The following EXT1 variants were observed in gnomAD, a reference collection of about 807,000 sequenced individuals.
EXT1 encodes the protein exostosin glycosyltransferase 1, also known as exostosin-1.
EXT1 carries 20 observed loss-of-function variants against 82.5 expected under a neutral mutation model. That is an observed-to-expected ratio of 0.24 (90% CI 0.17 to 0.35). The LOEUF is 0.35. EXT1 is among the 10% of genes least tolerant of loss of function. The pLI is 1.00. For missense variants in EXT1, 757 were observed against 936.5 expected (o/e 0.81, Z 2.50); for synonymous variants, 348 against 350.8 (o/e 0.99, Z 0.09).
chr8:118,006,973 A>G (rs1041122039), intron 1 of EXT1, among the ~76,000 whole-genome samples: 25 of 152,218 alleles, frequency 1.6e-4, no homozygotes, highest in African/African-American at 5.8e-4. Flanking sequence ...TTCAGTTGTT[A>G]GAGTTGGCAA....
At chr8:117,895,024 T>C (rs947328828) in intron 1 of EXT1, among the ~76,000 whole-genome samples, 4 of 152,350 alleles carry the variant, frequency 2.6e-5, no homozygotes, top group East Asian at 1.9e-4. Flanking sequence ...TATAAGCTTC[T>C]GGGTTTGCTG....
intron 1 of EXT1, among the ~76,000 whole-genome samples, chr8:117,890,640 A>C (rs1349946290): frequency 6.6e-6 from 1 of 152,224 alleles, no homozygotes; most frequent in African/African-American, 2.4e-5. Flanking sequence ...GCTTCTTAGC[A>C]TAGGGAAGCA....
chr8:117,979,769 G>A (rs1240968850), intron 1 of EXT1, among the ~76,000 whole-genome samples: 2 of 152,144 alleles, frequency 1.3e-5, no homozygotes, highest in African/African-American at 2.4e-5. Flanking sequence ...CCAAAGCACT[G>A]CAATAGAACA....
chr8:117,871,379 A>G (rs747571042), intron 1 of EXT1, among the ~76,000 whole-genome samples: 3 of 152,250 alleles, frequency 2.0e-5, no homozygotes, highest in Non-Finnish European at 2.9e-5. Flanking sequence ...CTCTTCGTTC[A>G]GAAAGCCTGT....
chr8:117,874,575 C>CAAAAAAAAAAAAAAAAAAAAAAAAAAAAA lies in EXT1; in HGVS notation c.963-37375_963-37374insTTTTTTTTTTTTTTTTTTTTTTTTTTTTT, dbSNP rs61249983. Among the ~76,000 whole-genome samples the CAAAAAAAAAAAAAAAAAAAAAAAAAAAAA allele has an allele frequency of 9.6e-4, 67 of 69,748 alleles. 2 individuals carry two copies. Among genetic ancestry groups the CAAAAAAAAAAAAAAAAAAAAAAAAAAAAA allele is most frequent in the East Asian group, 1.6e-3 (3 of 1,892 alleles). The allele number at this position is 69,748 out of a possible 152,430, so 45.8% of individuals were successfully genotyped here. On this transcript the variant is annotated intron_variant, in intron 1 of 10. Coordinates refer to ENST00000378204, the MANE Select transcript of EXT1 (RefSeq NM_000127.3). ...TAGGCAACAAAGTGAGACTCTGCCTCAAAAAAAAAAAAAAAAAAGAACAAT... is the reference window on the plus strand; with the variant it reads ...TAGGCAACAAAGTGAGACTCTGCCTCAAAAAAAAAAAAAAAAAAAAAAAAAAAAAAAAAAAAAAAAAAAAAAAGAACAAT...
chr8:117,963,804 T>C (rs977220036), intron 1 of EXT1, among the ~76,000 whole-genome samples: 9 of 152,260 alleles, frequency 5.9e-5, no homozygotes, highest in Admixed American at 1.3e-4. Context: ...TTGAGGTTAA[T>C]TGGGGTTTGG....
chr8:117,841,149 T>C (rs1457067547), intron 1 of EXT1, among the ~76,000 whole-genome samples: 1 of 152,180 alleles, frequency 6.6e-6, no homozygotes, highest in Non-Finnish European at 1.5e-5. Flanking sequence ...GTAATAACCT[T>C]AAACTGGAAA....
intron 1 of EXT1, among the ~76,000 whole-genome samples, chr8:118,109,442 A>C (rs1285912822): frequency 6.6e-5 from 10 of 150,444 alleles, no homozygotes; most frequent in Admixed American, 2.6e-4. Flanking sequence ...TGAATGAATG[A>C]ATGCATGCAT....
chr8:118,068,781 A>G (rs1817034796), intron 1 of EXT1, among the ~76,000 whole-genome samples: 2 of 152,210 alleles, frequency 1.3e-5, no homozygotes, highest in South Asian at 4.1e-4. Context: ...AAATTTTAAA[A>G]TAATCTTTAA....
At chr8:117,944,945 G>A (rs911592492) in intron 1 of EXT1, among the ~76,000 whole-genome samples, 4 of 152,124 alleles carry the variant, frequency 2.6e-5, no homozygotes, top group South Asian at 2.1e-4. Flanking sequence ...GGCGGATCAC[G>A]AGGTCAGGAG....
chr8:117,873,238 T>C (rs746499387), intron 1 of EXT1, among the ~76,000 whole-genome samples: 4 of 152,006 alleles, frequency 2.6e-5, no homozygotes, highest in Non-Finnish European at 5.9e-5. Flanking sequence ...CTGTGAAAAA[T>C]AAATTTCTAT....
intron 1 of EXT1, among the ~76,000 whole-genome samples, chr8:117,960,861 G>T (rs1814684745): frequency 6.6e-6 from 1 of 152,064 alleles, no homozygotes; most frequent in African/African-American, 2.4e-5. Context: ...AGAGCTACAA[G>T]AAATCCTTTG....
At chr8:117,911,930 T>G (rs1205231322) in intron 1 of EXT1, among the ~76,000 whole-genome samples, 2 of 152,340 alleles carry the variant, frequency 1.3e-5, no homozygotes, top group African/African-American at 2.4e-5. Flanking sequence ...TGAATCTTCT[T>G]TCTCACGGGA....
intron 1 of EXT1, among the ~76,000 whole-genome samples, chr8:117,992,438 T>TAAAAAAAAAA (rs142840509): frequency 1.9e-5 from 1 of 53,102 alleles, no homozygotes; most frequent in African/African-American, 6.9e-5. Flanking sequence ...TTCAACTAGC[T>TAAAAAAAAAA]AAAAAAAAAA....
At chr8:117,933,774 C>T (rs1814106378) in intron 1 of EXT1, among the ~76,000 whole-genome samples, 2 of 152,300 alleles carry the variant, frequency 1.3e-5, no homozygotes, top group Non-Finnish European at 2.9e-5. Context: ...GATGATACAA[C>T]TGCCCCTCTA....
intron 1 of EXT1, among the ~76,000 whole-genome samples, chr8:118,032,092 G>T (rs1816332422): frequency 6.8e-6 from 1 of 146,080 alleles, no homozygotes; most frequent in African/African-American, 2.5e-5. Context: ...CGTTAAGGTT[G>T]GTGCAAAAGT....
intron 1 of EXT1, among the ~76,000 whole-genome samples, chr8:118,053,438 A>G (rs903338309): frequency 1.3e-5 from 2 of 152,282 alleles, no homozygotes; most frequent in Admixed American, 6.5e-5. Flanking sequence ...AAGATCTTTC[A>G]GTGGGCCCAG....
intron 1 of EXT1, among the ~76,000 whole-genome samples, chr8:117,997,231 G>T (rs1815562430): frequency 6.8e-6 from 1 of 146,050 alleles, no homozygotes; most frequent in Non-Finnish European, 1.5e-5. Context: ...TCCCCGTATG[G>T]TATAGTTGTC....
intron 1 of EXT1, among the ~76,000 whole-genome samples, chr8:117,884,110 G>A (rs1428373828): frequency 6.6e-6 from 1 of 152,134 alleles, no homozygotes; most frequent in East Asian, 1.9e-4. Flanking sequence ...TTGAAAAATG[G>A]CCATACACTT....
Sources: allele counts gnomAD v4.1 joint callset (sites outside exome capture counted in the v4.1 genomes callset), GRCh38; gene constraint gnomAD v4.1.1; transcripts MANE v1.5; gene names NCBI Gene and HGNC (gene_info 2026-07-23, HGNC 2026-07-21).